Variants in ABCA8 observed in about 807,000 individuals in gnomAD.
The protein encoded by ABCA8 is ATP binding cassette subfamily A member 8, also known as ABC-type organic anion transporter ABCA8.
Under a neutral mutation model 192.3 loss-of-function variants are expected in ABCA8, and 177 were observed. The observed-to-expected ratio is 0.92, with a 90% CI of 0.81 to 1.04. The LOEUF is 1.04. Among genes scored for constraint, ABCA8 ranks in the 50% least tolerant of loss-of-function variants. The probability of loss-of-function intolerance (pLI) is 0.00; values close to 1 mark genes in which losing one functional copy is unlikely to be tolerated. For synonymous variants in ABCA8, 642 were observed against 690.2 expected, an observed-to-expected ratio of 0.93 and a Z score of 1.09; for missense variants, 1,915 against 1,904.8, an observed-to-expected ratio of 1.01 and a Z score of -0.10.
Position 68,935,566 on chromosome 17 carries a change from ATAT to A in ABCA8, c.466+1382_466+1384del, listed in dbSNP as rs1236846188. ...TATATATATATATATATATATATAT[ATAT>A]TATCTTCTTTATCCAGCCCTCTGTT... On this transcript the variant is annotated intron_variant, in intron 5 of 39. Transcript: ENST00000586539. Among the ~76,000 whole-genome samples, 224 of 144,202 alleles carry A rather than the reference ATAT, an allele frequency of 1.6e-3. 3 individuals are homozygous for A. The highest frequency in any genetic ancestry group is 3.7e-3 in the Middle Eastern group (1 of 272). The allele number at this position is 144,202 out of a possible 152,430, so 94.6% of individuals were successfully genotyped here. A position where few individuals can be genotyped will look rare whatever the true frequency, so the allele number is the denominator to read the frequency against.
chr17:68,953,514 A>G (rs185976853), intron 1 of ABCA8, among the ~76,000 whole-genome samples: 1 of 152,288 alleles, frequency 6.6e-6, no homozygotes, highest in Non-Finnish European at 1.5e-5. Context: ...CAGCAGTCTC[A>G]GAGAACACTG....
Position 68,914,424 on chromosome 17 carries a change from A to G in ABCA8, c.2138+2937T>C, listed in dbSNP as rs558787921. Among the ~76,000 whole-genome samples the G allele has an allele frequency of 5.9e-5, 9 of 152,274 alleles. No individual in the cohort carries two copies. In the East Asian group the frequency reaches 1.7e-3, roughly 29 times the overall value. Reference sequence around the variant, plus strand: ...AAAACTACACCAAAATGCTATTAGAACTGATAAACAAAGTCAGTAAAGTTG... The same window carrying G: ...AAAACTACACCAAAATGCTATTAGAGCTGATAAACAAAGTCAGTAAAGTTG... On this transcript the variant is annotated intron_variant, in intron 17 of 39. Transcript: ENST00000586539.
intron 27 of ABCA8, 109 bp downstream of exon 27, chr17:68,885,087 T>C: frequency 1.6e-6 from 2 of 1,289,972 alleles, no homozygotes; most frequent in South Asian, 1.7e-5. Context: ...GCAGAAATCT[T>C]TGAACCCCAT....
intron 7 of ABCA8, among the ~76,000 whole-genome samples, chr17:68,931,241 C>G (rs543188643): frequency 2.0e-5 from 3 of 152,322 alleles, no homozygotes; most frequent in African/African-American, 7.2e-5. Flanking sequence ...ATAACCTAAC[C>G]CCAATCTTCT....
chr17:68,944,770 T>A (rs1263477366), intron 2 of ABCA8: 1 of 152,000 alleles, frequency 6.6e-6, no homozygotes, highest in Non-Finnish European at 1.5e-5. Context: ...AAGCTTCCAG[T>A]TCCCATTCCC....
At chr17:68,921,679 CTTAT>C (rs2067537926) in intron 12 of ABCA8, among the ~76,000 whole-genome samples, 187 bp from the exon 13 acceptor site, 1 of 152,102 alleles carries the variant, frequency 6.6e-6, no homozygotes, top group African/African-American at 2.4e-5. Flanking sequence ...CCTCTATAAA[CTTAT>C]TTCTCAAAAT....
chr17:68,908,158 A>T (rs2067134524), intron 17 of ABCA8, among the ~76,000 whole-genome samples: 1 of 152,188 alleles, frequency 6.6e-6, no homozygotes. Context: ...TTTCATATTG[A>T]TTGAAGCTCC....
At chr17:68,929,364 C>A in intron 8 of ABCA8, 130 bp from the exon 9 acceptor site, 1 of 1,029,728 alleles carries the variant, frequency 9.7e-7, no homozygotes, top group Non-Finnish European at 1.4e-6. Context: ...TTGTATATAA[C>A]ATACAAAACT....
At position 68,867,942 on chromosome 17, in the gene ABCA8, G is replaced by T; in HGVS notation, c.*143C>A. ...TCCACACTGACATGGCACTTACCCA[G>T]CACCCGAACCTCCTCCTCCCACCAC... is the stretch of plus-strand genomic sequence containing the variant. On this transcript the variant is annotated 3_prime_UTR_variant, in exon 40 of 40. Transcript: ENST00000586539. The T allele has an allele frequency of 1.5e-6, 1 of 666,904 alleles. No homozygotes were observed. Among genetic ancestry groups the T allele is most frequent in the Non-Finnish European group, 2.5e-6 (1 of 397,326 alleles). The allele number at this position is 666,904 out of a possible 1,614,324, so 41.3% of individuals were successfully genotyped here. A position where few individuals can be genotyped will look rare whatever the true frequency, so the allele number is the denominator to read the frequency against.
At chr17:68,868,419 A>G in intron 38 of ABCA8, 63 bp from the exon 39 acceptor site, 1 of 1,368,682 alleles carries the variant, frequency 7.3e-7, no homozygotes, top group African/African-American at 1.4e-5. Flanking sequence ...ATAAATCAGC[A>G]TATAGTACAA....
intron 5 of ABCA8, among the ~76,000 whole-genome samples, chr17:68,933,534 G>A (rs1280029162): frequency 6.6e-6 from 1 of 152,132 alleles, no homozygotes; most frequent in Non-Finnish European, 1.5e-5. Flanking sequence ...CGTGTCCTGT[G>A]CTTTTCTGCT....
Position 68,940,755 on chromosome 17 carries a change from T to C in ABCA8, c.301+3A>G. ...ATTCTTCTTAAGTAACTAGAAAACT[T>C]ACCTGCCAGGAAGGGAGTAGAGGCT... is the stretch of plus-strand genomic sequence containing the variant. On this transcript the variant is annotated splice_donor_region_variant and intron_variant, in intron 4 of 39. Transcript: ENST00000586539. 6.2e-7 allele frequency: 1 copy of C among 1,611,238 alleles called. No homozygotes were observed. Among genetic ancestry groups the C allele is most frequent in the South Asian group, 1.1e-5 (1 of 90,946 alleles).
intron 4 of ABCA8, among the ~76,000 whole-genome samples, chr17:68,939,950 G>C (rs2068178438): frequency 6.6e-6 from 1 of 152,044 alleles, no homozygotes; most frequent in African/African-American, 2.4e-5. Flanking sequence ...GCTAAGAGAA[G>C]CTGATGGCTT....
At chr17:68,873,567 G>A (rs1007824540) in intron 37 of ABCA8, among the ~76,000 whole-genome samples, 1 of 152,074 alleles carries the variant, frequency 6.6e-6, no homozygotes, top group African/African-American at 2.4e-5. Flanking sequence ...CATCCCGCTT[G>A]TTTATTTTTG....
chr17:68,885,002 A>T, intron 27 of ABCA8, 194 bp downstream of exon 27: 1 of 631,818 alleles, frequency 1.6e-6, no homozygotes, highest in Non-Finnish European at 2.0e-6. Flanking sequence ...TATATTAATC[A>T]GGACCAAATT....
At chr17:68,874,078 C>A (rs2066139635) in intron 37 of ABCA8, among the ~76,000 whole-genome samples, 1 of 152,114 alleles carries the variant, frequency 6.6e-6, no homozygotes, top group South Asian at 2.1e-4. Context: ...GAGTGTAATA[C>A]TCAGACAGTT....
intron 23 of ABCA8, among the ~76,000 whole-genome samples, chr17:68,893,458 A>G (rs1301765469): frequency 9.8e-5 from 15 of 152,334 alleles, no homozygotes; most frequent in Non-Finnish European, 7.3e-5. Context: ...ATTTTTGACA[A>G]GAATCTGCAG....
chr17:68,917,267 CAA>C (rs2067395722), intron 17 of ABCA8, 92 bp downstream of exon 17: 3 of 774,482 alleles, frequency 3.9e-6, no homozygotes, highest in Non-Finnish European at 6.2e-6. Flanking sequence ...CAAAAAATAA[CAA>C]TAATACAAAT....
At chr17:68,885,118 T>C in intron 27 of ABCA8, 78 bp downstream of exon 27, 1 of 1,448,918 alleles carries the variant, frequency 6.9e-7, no homozygotes, top group Non-Finnish European at 9.3e-7. Context: ...CATGTTGTAG[T>C]AGACCTTCAA....
Sources: gnomAD v4.1 joint callset for allele counts (sites outside exome capture counted in the v4.1 genomes callset) on GRCh38, gnomAD v4.1.1 for gene constraint, MANE v1.5 for transcripts, NCBI Gene and HGNC (gene_info 2026-07-23, HGNC 2026-07-21) for gene names.